The following MIPOL1 variants were observed in gnomAD, a reference collection of about 807,000 sequenced individuals.
MIPOL1 encodes mirror-image polydactyly 1.
Under a neutral mutation model 60.9 loss-of-function variants are expected in MIPOL1, and 57 were observed. The ratio of observed to expected loss-of-function variants is 0.94; its 90% CI spans 0.76 to 1.17. The LOEUF (loss-of-function observed/expected upper bound fraction) is 1.17, where lower values mean the gene tolerates loss of function less well. MIPOL1 is among the 50% of genes most tolerant of loss of function. The pLI is 0.00. For synonymous variants in MIPOL1, 179 were observed against 168.8 expected (o/e 1.06, Z -0.47); for missense variants, 551 against 511.6 (o/e 1.08, Z -0.74).
intron 9 of MIPOL1, among the ~76,000 whole-genome samples, chr14:37,366,160 A>G (rs1764287258): frequency 1.3e-5 from 2 of 148,542 alleles, no homozygotes; most frequent in African/African-American, 5.0e-5. Context: ...AAATTTATTC[A>G]TTTCTGCTCT....
chr14:37,294,498 T>G (rs1203281323), intron 7 of MIPOL1, among the ~76,000 whole-genome samples: 3 of 151,772 alleles, frequency 2.0e-5, no homozygotes, highest in African/African-American at 7.3e-5. Flanking sequence ...CTTCAGAAGA[T>G]CAAACTAGTC....
intron 11 of MIPOL1, among the ~76,000 whole-genome samples, chr14:37,489,319 C>G (rs1355651549): frequency 1.3e-5 from 2 of 152,160 alleles, no homozygotes; most frequent in Non-Finnish European, 2.9e-5. Flanking sequence ...ATGTTCTTCT[C>G]TAAACTGGTT....
At chr14:37,529,202 G>T (rs2095465766) in intron 12 of MIPOL1, among the ~76,000 whole-genome samples, 1 of 152,278 alleles carries the variant, frequency 6.6e-6, no homozygotes, top group East Asian at 1.9e-4. Flanking sequence ...TTTTTGGAAA[G>T]ATGTAGGATT....
Position 37,247,874 on chromosome 14 carries a change from A to G in MIPOL1, c.-15A>G. 6.2e-7 allele frequency: 1 copy of G among 1,613,216 alleles called. No individual in the cohort carries two copies. Among genetic ancestry groups the G allele is most frequent in the African/African-American group, 1.3e-5 (1 of 74,994 alleles). ...ACCAGAGACATTGCCAGAGCAAACA[A>G]GAACAGAAATACAAATGGAGAACTG... is the stretch of plus-strand genomic sequence containing the variant. On this transcript the variant is annotated 5_prime_UTR_variant, in exon 3 of 13. Coordinates refer to ENST00000684589, the MANE Select transcript of MIPOL1 (RefSeq NM_001388067.1).
At chr14:37,414,079 T>A (rs1361916032) in intron 10 of MIPOL1, among the ~76,000 whole-genome samples, 1 of 152,148 alleles carries the variant, frequency 6.6e-6, no homozygotes, top group Non-Finnish European at 1.5e-5. Flanking sequence ...TGTTGGAGTT[T>A]TTGTATTGTG....
At chr14:37,386,567 G>T (rs927179935) in intron 10 of MIPOL1, among the ~76,000 whole-genome samples, 22 of 151,846 alleles carry the variant, frequency 1.4e-4, no homozygotes, top group African/African-American at 5.3e-4. Flanking sequence ...AAAAATACAA[G>T]TTTACAGAAA....
At chr14:37,495,759 T>C (rs557699635) in intron 11 of MIPOL1, among the ~76,000 whole-genome samples, 51 of 150,892 alleles carry the variant, frequency 3.4e-4, no homozygotes, top group Admixed American at 1.1e-3. Context: ...AGTGTAAAAG[T>C]GTTCCTATTT....
At chr14:37,472,636 T>G (rs1016598605) in intron 11 of MIPOL1, among the ~76,000 whole-genome samples, 1 of 152,184 alleles carries the variant, frequency 6.6e-6, no homozygotes, top group Non-Finnish European at 1.5e-5. Flanking sequence ...CCTTCAATAC[T>G]AGGCAGGAAT....
At chr14:37,223,913 T>G (rs1594568321) in intron 1 of MIPOL1, among the ~76,000 whole-genome samples, 1 of 152,246 alleles carries the variant, frequency 6.6e-6, no homozygotes, top group East Asian at 1.9e-4. Flanking sequence ...TTACAGATGG[T>G]AACTGCTCCT....
intron 9 of MIPOL1, among the ~76,000 whole-genome samples, chr14:37,328,669 G>T (rs2089414199): frequency 6.6e-6 from 1 of 152,154 alleles, no homozygotes; most frequent in Admixed American, 6.6e-5. Context: ...CAGTTTTGGA[G>T]TAGTGCTTGT....
intron 7 of MIPOL1, among the ~76,000 whole-genome samples, chr14:37,291,433 A>G (rs1567307017): frequency 1.6e-5 from 1 of 60,990 alleles, no homozygotes; most frequent in Non-Finnish European, 3.1e-5. Flanking sequence ...TTTCTAATTA[A>G]TGTATGTAAT....
At chr14:37,449,690 G>A (rs1301489621) in intron 11 of MIPOL1, among the ~76,000 whole-genome samples, 2 of 152,078 alleles carry the variant, frequency 1.3e-5, no homozygotes, top group Non-Finnish European at 2.9e-5. Flanking sequence ...ACTTAACCAA[G>A]TACTTAAAAT....
At chr14:37,475,719 C>T (rs1566672400) in intron 11 of MIPOL1, among the ~76,000 whole-genome samples, 1 of 152,078 alleles carries the variant, frequency 6.6e-6, no homozygotes, top group Admixed American at 6.6e-5. Flanking sequence ...GCTACTTTGT[C>T]AAAGATCAGT....
intron 9 of MIPOL1, among the ~76,000 whole-genome samples, chr14:37,358,452 C>T (rs1395875048): frequency 6.6e-6 from 1 of 152,158 alleles, no homozygotes; most frequent in African/African-American, 2.4e-5. Context: ...TACACTCCCA[C>T]CAAGTGTAAA....
At chr14:37,475,824 T>C (rs1448134990) in intron 11 of MIPOL1, among the ~76,000 whole-genome samples, 1 of 152,214 alleles carries the variant, frequency 6.6e-6, no homozygotes, top group African/African-American at 2.4e-5. Context: ...TTGATTACCA[T>C]AGCGGTATAG....
chr14:37,484,337 CTTTTT>C (rs71449995), intron 11 of MIPOL1, among the ~76,000 whole-genome samples: 2 of 116,438 alleles, frequency 1.7e-5, no homozygotes, highest in South Asian at 2.9e-4. Context: ...AATGTTAGAT[CTTTTT>C]TTTTTTTTTT....
intron 1 of MIPOL1, among the ~76,000 whole-genome samples, chr14:37,217,783 A>T (rs1176285619): frequency 6.6e-6 from 1 of 152,238 alleles, no homozygotes; most frequent in Admixed American, 6.5e-5. Flanking sequence ...AGTTAATATC[A>T]TACTGAATGG....
At chr14:37,252,215 T>C (rs1482378813) in intron 3 of MIPOL1, among the ~76,000 whole-genome samples, 2 of 151,744 alleles carry the variant, frequency 1.3e-5, no homozygotes, top group African/African-American at 2.4e-5. Context: ...TATTTATGTA[T>C]TATCTAAATT....
In MIPOL1 at chr14:37,280,803, C is replaced by T. The variant is rs545616735; in HGVS notation, c.494-4515C>T. ...CCTCCCAAATAGCTGGGATTACAGA[C>T]GCATGCCACCAGGACTGGCTAATTT... On this transcript the variant is annotated intron_variant, in intron 6 of 12. Coordinates refer to ENST00000684589, the MANE Select transcript of MIPOL1 (RefSeq NM_001388067.1). Among the ~76,000 whole-genome samples the T allele has an allele frequency of 1.2e-4, 18 of 152,178 alleles. No homozygotes were observed. The East Asian group carries it at 3.1e-3, about 26-fold the overall frequency.
Sources: allele counts gnomAD v4.1 joint callset (sites outside exome capture counted in the v4.1 genomes callset), GRCh38; gene constraint gnomAD v4.1.1; transcripts MANE v1.5; gene names NCBI Gene and HGNC (gene_info 2026-07-23, HGNC 2026-07-21).